The following MYO16 variants were observed in gnomAD, a reference collection of about 807,000 sequenced individuals.
MYO16 encodes the protein myosin XVI, also known as unconventional myosin-XVI.
In MYO16, 94 loss-of-function variants were observed where a neutral mutation model predicts 205.3. The ratio of observed to expected loss-of-function variants is 0.46; its 90% CI spans 0.39 to 0.54. The LOEUF (loss-of-function observed/expected upper bound fraction) is 0.54. Ranked by LOEUF, MYO16 falls within the 20% of genes least tolerant of loss-of-function variation. MYO16 has a pLI of 0.00. For missense variants in MYO16, 2,315 were observed against 2,387.5 expected (o/e 0.97, Z 0.63); for synonymous variants, 988 against 954.0 (o/e 1.04, Z -0.66).
intron 23 of MYO16, among the ~76,000 whole-genome samples, chr13:109,032,729 G>A (rs550842430): frequency 6.6e-5 from 10 of 152,284 alleles, no homozygotes; most frequent in Non-Finnish European, 1.0e-4. Flanking sequence ...ATGCATATTA[G>A]CCATGCTGTA....
chr13:108,753,750 A>G (rs1162995968), intron 4 of MYO16, among the ~76,000 whole-genome samples: 5 of 152,218 alleles, frequency 3.3e-5, no homozygotes. Context: ...CATCAGAATG[A>G]ACTTATAAAA....
At chr13:108,855,355 G>C in intron 10 of MYO16, 88 bp from the exon 11 acceptor site, 2 of 537,278 alleles carry the variant, frequency 3.7e-6, no homozygotes, top group Non-Finnish European at 6.0e-6. Context: ...TCAAATGTTT[G>C]ACAGGTAATT....
chr13:109,171,633 T>G (rs895534522), intron 33 of MYO16, among the ~76,000 whole-genome samples: 2 of 152,234 alleles, frequency 1.3e-5, no homozygotes, highest in African/African-American at 2.4e-5. Flanking sequence ...TTGTGGTTAT[T>G]TATCATTAGA....
intron 32 of MYO16, among the ~76,000 whole-genome samples, chr13:109,159,350 T>G (rs1878249614): frequency 6.6e-6 from 1 of 152,258 alleles, no homozygotes. Flanking sequence ...ATCATTGTGG[T>G]GCGTGGCTTT....
chr13:108,578,111 G>A, the MYO16 span, among the ~76,000 whole-genome samples: 1 of 152,152 alleles, frequency 6.6e-6, no homozygotes, highest in Non-Finnish European at 1.5e-5. Context: ...GGCTTGAGAA[G>A]CAGTTACCAA....
intron 34 of MYO16, among the ~76,000 whole-genome samples, chr13:109,189,220 T>C (rs1214982297): frequency 6.6e-6 from 1 of 152,152 alleles, no homozygotes; most frequent in Non-Finnish European, 1.5e-5. Context: ...TGGCAGCTGA[T>C]TAGATGGTGC....
intron 4 of MYO16, among the ~76,000 whole-genome samples, chr13:108,729,428 A>ACTAGCTGC (rs1884449885): frequency 1.3e-5 from 2 of 152,208 alleles, no homozygotes; most frequent in Non-Finnish European, 2.9e-5. Flanking sequence ...TGATAGTTCA[A>ACTAGCTGC]CTAGCTGCTT....
chr13:108,524,716 T>C, the MYO16 span, among the ~76,000 whole-genome samples: 2 of 152,150 alleles, frequency 1.3e-5, no homozygotes, highest in Non-Finnish European at 2.9e-5. Flanking sequence ...TTCTCCACTA[T>C]GAAAAATGAT....
chr13:108,988,668 G>A (rs1342673423), intron 20 of MYO16, among the ~76,000 whole-genome samples: 1 of 152,114 alleles, frequency 6.6e-6, no homozygotes, highest in Non-Finnish European at 1.5e-5. Flanking sequence ...TCCTTGTAAG[G>A]GAGGGAGGTA....
Position 108,762,023 on chromosome 13 carries a change from A to G in MYO16, c.508-23612A>G, listed in dbSNP as rs143404346. On this transcript the variant is annotated intron_variant, in intron 4 of 34. Coordinates refer to ENST00000457511, the MANE Select transcript of MYO16 (RefSeq NM_001198950.3). Reference sequence around the variant, plus strand: ...TAGTCCATACCTTTACAAGCCTCCAATGTCTATCATTCTGTGCTGTATGTC... The same window carrying G: ...TAGTCCATACCTTTACAAGCCTCCAGTGTCTATCATTCTGTGCTGTATGTC... Among the ~76,000 whole-genome samples, 319 of 152,218 alleles carry G rather than the reference A, an allele frequency of 2.1e-3. 2 individuals are homozygous for G. Among genetic ancestry groups the G allele is most frequent in the African/African-American group, 7.4e-3 (308 of 41,532 alleles).
At chr13:108,821,491 G>T (rs1042367509) in intron 8 of MYO16, among the ~76,000 whole-genome samples, 5 of 152,078 alleles carry the variant, frequency 3.3e-5, no homozygotes, top group Non-Finnish European at 7.4e-5. Flanking sequence ...AGAACAAATA[G>T]ACATTTTTAG....
the MYO16 span, among the ~76,000 whole-genome samples, chr13:108,572,771 G>T: frequency 6.6e-6 from 1 of 151,974 alleles, no homozygotes; most frequent in Non-Finnish European, 1.5e-5. Context: ...TAGATCTATC[G>T]GTATATTTGA....
At chr13:108,900,433 C>A (rs1247079410) in intron 15 of MYO16, among the ~76,000 whole-genome samples, 1 of 152,086 alleles carries the variant, frequency 6.6e-6, no homozygotes, top group Non-Finnish European at 1.5e-5. Flanking sequence ...AAGTCAGGGA[C>A]CCCGAACGGA....
At chr13:108,707,876 A>G (rs951146209) in intron 2 of MYO16, among the ~76,000 whole-genome samples, 2 of 152,104 alleles carry the variant, frequency 1.3e-5, no homozygotes, top group Admixed American at 1.3e-4. Flanking sequence ...TCCTAAATCA[A>G]AGGATTGAAG....
At chr13:108,736,706 G>T (rs1048808763) in intron 4 of MYO16, among the ~76,000 whole-genome samples, 1 of 152,074 alleles carries the variant, frequency 6.6e-6, no homozygotes, top group Admixed American at 6.5e-5. Flanking sequence ...TGATGGGGAT[G>T]GCATTGAATC....
chr13:109,112,823 T>C (rs1889330990), intron 28 of MYO16, among the ~76,000 whole-genome samples: 1 of 152,230 alleles, frequency 6.6e-6, no homozygotes, highest in African/African-American at 2.4e-5. Context: ...ATTCAAAGCA[T>C]TTTTTAAAAT....
intron 7 of MYO16, among the ~76,000 whole-genome samples, chr13:108,812,657 A>G (rs755298421): frequency 1.1e-4 from 16 of 152,220 alleles, no homozygotes; most frequent in Non-Finnish European, 2.2e-4. Flanking sequence ...ACCGTATTTA[A>G]TGGTTGCTAT....
At chr13:108,839,680 T>C (rs1877128902) in intron 9 of MYO16, among the ~76,000 whole-genome samples, 1 of 152,238 alleles carries the variant, frequency 6.6e-6, no homozygotes, top group African/African-American at 2.4e-5. Flanking sequence ...CAGCACTTTC[T>C]CTAGTGTTGG....
At chr13:108,880,524 G>C (rs914159680) in intron 12 of MYO16, among the ~76,000 whole-genome samples, 4 of 152,058 alleles carry the variant, frequency 2.6e-5, no homozygotes, top group East Asian at 1.9e-4. Flanking sequence ...TAATCCATCT[G>C]GAATTAATTT....
Sources: allele counts gnomAD v4.1 joint callset (sites outside exome capture counted in the v4.1 genomes callset), GRCh38; gene constraint gnomAD v4.1.1; transcripts MANE v1.5; gene names NCBI Gene and HGNC (gene_info 2026-07-23, HGNC 2026-07-21).